TGDS: variants seen among roughly 807,000 people sequenced by gnomAD.
TGDS encodes UDP-D-glucose 4,6-dehydratase.
TGDS carries 47 observed loss-of-function variants against 52.3 expected under a neutral mutation model. That is an observed-to-expected ratio of 0.90 (90% CI 0.71 to 1.15). The LOEUF is 1.15. Ranked by LOEUF, TGDS falls within the 50% of genes most tolerant of loss-of-function variation. The pLI, the probability that TGDS is intolerant of heterozygous loss-of-function variation, is 0.00. For synonymous variants in TGDS, 115 were observed against 136.9 expected, an observed-to-expected ratio of 0.84 and a Z score of 1.12; for missense variants, 375 against 418.4, an observed-to-expected ratio of 0.90 and a Z score of 0.90.
intron 4 of TGDS, among the ~76,000 whole-genome samples, chr13:94,590,139 G>C (rs1240588460): frequency 6.8e-6 from 1 of 146,122 alleles, no homozygotes; most frequent in African/African-American, 2.5e-5. Flanking sequence ...CATCGATTTT[G>C]AAAAAACAAA....
intron 4 of TGDS, among the ~76,000 whole-genome samples, chr13:94,590,009 G>A (rs1015604029): frequency 8.7e-6 from 1 of 114,340 alleles, no homozygotes; most frequent in South Asian, 2.9e-4. Context: ...TGGCCATCAA[G>A]AATAAAGTAT....
At chr13:94,596,173 T>G (rs9590040), upstream of TGDS, 990 of 1,599,192 alleles carry the variant, frequency 6.2e-4, 3 homozygotes, top group African/African-American at 0.012. Flanking sequence ...GTAAAGAGTA[T>G]GGTCTGAAAA....
intron 10 of TGDS, 87 bp from the exon 11 acceptor site, chr13:94,576,498 AC>A: frequency 1.2e-6 from 1 of 815,802 alleles, no homozygotes; most frequent in Non-Finnish European, 1.7e-6. Flanking sequence ...ATGCATTTTT[AC>A]CACAACCCAA....
chr13:94,592,351 C>T, intron 2 of TGDS, 42 bp from the exon 3 acceptor site: 1 of 1,498,636 alleles, frequency 6.7e-7, no homozygotes. Flanking sequence ...CAAAAAGTGA[C>T]ATTAGCTTTT....
At chr13:94,590,520 A>G (rs1400223068) in intron 4 of TGDS, among the ~76,000 whole-genome samples, 1 of 152,172 alleles carries the variant, frequency 6.6e-6, no homozygotes, top group Non-Finnish European at 1.5e-5. Flanking sequence ...TCATAAAATG[A>G]TATAAATAAT....
chr13:94,594,002 A>C (rs1416069873), intron 1 of TGDS, 95 bp from the exon 2 acceptor site: 3 of 720,480 alleles, frequency 4.2e-6, no homozygotes, highest in Non-Finnish European at 6.9e-6. Context: ...GAAAATACTC[A>C]AAGATAACTT....
chr13:94,580,929 A>G (rs989219462), intron 6 of TGDS, among the ~76,000 whole-genome samples, 162 bp downstream of exon 6: 2 of 152,244 alleles, frequency 1.3e-5, no homozygotes, highest in African/African-American at 4.8e-5. Context: ...ACTTGAGGTC[A>G]GGAGTTCGAG....
At chr13:94,595,266 A>T (rs945418188) in intron 1 of TGDS, among the ~76,000 whole-genome samples, 4 of 152,212 alleles carry the variant, frequency 2.6e-5, no homozygotes, top group Non-Finnish European at 4.4e-5. Context: ...ACAGAAAAGC[A>T]GATCAGGTTG....
At chr13:94,577,346 C>A in intron 10 of TGDS, 25 bp downstream of exon 10, 2 of 1,530,886 alleles carry the variant, frequency 1.3e-6, no homozygotes, top group Non-Finnish European at 1.7e-6. Flanking sequence ...ACAACCTTTC[C>A]CCAAGGTTTT....
chr13:94,580,857 T>G (rs1173248164), intron 6 of TGDS, among the ~76,000 whole-genome samples: 4 of 152,236 alleles, frequency 2.6e-5, no homozygotes, highest in African/African-American at 9.6e-5. Context: ...AAAAGCTGAC[T>G]TGGGCTGGGC....
Position 94,576,304 on chromosome 13 carries a change from CA to C in TGDS, c.982+9del. 1 of 1,569,064 alleles carries C rather than the reference CA, an allele frequency of 6.4e-7. No homozygotes were observed. The highest frequency in any genetic ancestry group is 8.6e-7 in the Non-Finnish European group (1 of 1,157,598). The stretch of plus-strand genomic sequence containing the variant: ...TGACTTGCCCCCAAAATGATTAATT[CA>C]AAACATACTTGTTTTCTTTATTCCT... On this transcript the variant is annotated intron_variant, in intron 11 of 11. Transcript: ENST00000261296.
At chr13:94,574,924 T>C (rs1888544684) in intron 11 of TGDS, 72 bp from the exon 12 acceptor site, 1 of 903,856 alleles carries the variant, frequency 1.1e-6, no homozygotes, top group African/African-American at 1.7e-5. Flanking sequence ...TAACCAACCT[T>C]TACTGAGTTC....
chr13:94,581,856 A>C (rs947681420), intron 5 of TGDS, among the ~76,000 whole-genome samples: 3 of 152,192 alleles, frequency 2.0e-5, no homozygotes, highest in African/African-American at 7.2e-5. Flanking sequence ...TAGACAATGG[A>C]GTCTTCTTTG....
At chr13:94,581,370 A>G (rs1225291256) in intron 5 of TGDS, among the ~76,000 whole-genome samples, 181 bp from the exon 6 acceptor site, 1 of 152,214 alleles carries the variant, frequency 6.6e-6, no homozygotes, top group Non-Finnish European at 1.5e-5. Flanking sequence ...ACAATCCTAT[A>G]TAGCAGAGAG....
At chr13:94,575,462 T>C (rs1888570586) in intron 11 of TGDS, among the ~76,000 whole-genome samples, 2 of 151,990 alleles carry the variant, frequency 1.3e-5, no homozygotes, top group South Asian at 4.2e-4. Flanking sequence ...GCTGATTTTT[T>C]TACTTTTTGT....
At position 94,581,146 on chromosome 13, in the gene TGDS, G is replaced by A; in HGVS notation, c.500C>T (p.Ala167Val). ...ACATTCAGCAGCTGCTTTAGATGATGCATAAGGATTTGTAGGTTGTTTGGG... is the reference window on the plus strand; with the variant it reads ...ACATTCAGCAGCTGCTTTAGATGATACATAAGGATTTGTAGGTTGTTTGGG... ...SSPKQPTNPY[A>V]SSKAAAECFV... The change falls in exon 6 of 12, where the codon GCA becomes GTA. Residue 167 changes from alanine to valine, a missense_variant. Transcript: ENST00000261296. 1 of 1,595,840 alleles carries A rather than the reference G, an allele frequency of 6.3e-7. No individual in the cohort carries two copies. The highest frequency in any genetic ancestry group is 1.2e-5 in the South Asian group (1 of 85,488).
At chr13:94,585,834 A>C (rs1221184297) in intron 4 of TGDS, among the ~76,000 whole-genome samples, 6 of 151,624 alleles carry the variant, frequency 4.0e-5, no homozygotes, top group African/African-American at 1.5e-4. Flanking sequence ...ATAAAAACTG[A>C]GTTAAAAATA....
chr13:94,590,747 GT>G (rs1889167350), intron 4 of TGDS, 105 bp downstream of exon 4: 1 of 874,712 alleles, frequency 1.1e-6, no homozygotes, highest in Non-Finnish European at 1.7e-6. Flanking sequence ...CCGTGGGCTT[GT>G]TTTTCTAGTA....
At chr13:94,583,057 T>C (rs768760876) in intron 5 of TGDS, 37 bp downstream of exon 5, 15 of 1,603,704 alleles carry the variant, frequency 9.4e-6, no homozygotes, top group South Asian at 4.5e-5. Context: ...TCATGGTACA[T>C]GGTTAAGTAG....
Sources: gnomAD v4.1 joint callset for allele counts (sites outside exome capture counted in the v4.1 genomes callset) on GRCh38, gnomAD v4.1.1 for gene constraint, MANE v1.5 for transcripts, NCBI Gene and HGNC (gene_info 2026-07-23, HGNC 2026-07-21) for gene names.